The following DENND4C variants were observed in gnomAD, a reference collection of about 807,000 sequenced individuals.
DENND4C encodes the protein DENN domain containing 4C.
Under a neutral mutation model 203.0 loss-of-function variants are expected in DENND4C, and 108 were observed. The ratio of observed to expected loss-of-function variants is 0.53; its 90% CI spans 0.46 to 0.62. The LOEUF (loss-of-function observed/expected upper bound fraction) is 0.62, where lower values mean the gene tolerates loss of function less well. DENND4C is among the 20% of genes least tolerant of loss of function. The probability of loss-of-function intolerance (pLI) is 0.00; values close to 1 mark genes in which losing one functional copy is unlikely to be tolerated. For synonymous variants in DENND4C, 871 were observed against 792.4 expected, an observed-to-expected ratio of 1.10 and a Z score of -1.67; for missense variants, 2,481 against 2,301.2, an observed-to-expected ratio of 1.08 and a Z score of -1.60.
At chr9:19,353,918 T>A (rs946823718) in intron 26 of DENND4C, among the ~76,000 whole-genome samples, 26 of 152,172 alleles carry the variant, frequency 1.7e-4, no homozygotes, top group African/African-American at 5.8e-4. Context: ...AGGTGTTTCT[T>A]CTCTGTTTTT....
chr9:19,368,686 C>G (rs761868408), intron 30 of DENND4C, among the ~76,000 whole-genome samples: 40 of 152,120 alleles, frequency 2.6e-4, no homozygotes, highest in Non-Finnish European at 5.1e-4. Flanking sequence ...CCTGTAGCCT[C>G]AGCTACTCGA....
chr9:19,307,351 C>G (rs537196307), intron 10 of DENND4C, among the ~76,000 whole-genome samples: 8 of 149,228 alleles, frequency 5.4e-5, no homozygotes, highest in Non-Finnish European at 1.2e-4. Flanking sequence ...CCCATGTTGA[C>G]CCACTGCACT....
chr9:19,314,537 ACCACCTGTTC>A (rs1841401332), intron 10 of DENND4C, among the ~76,000 whole-genome samples: 1 of 152,142 alleles, frequency 6.6e-6, no homozygotes, highest in Admixed American at 6.5e-5. Flanking sequence ...GTAACCAGAC[ACCACCTGTTC>A]CCCAAAAACC....
chr9:19,280,842 G>C (rs1252687893), intron 2 of DENND4C, among the ~76,000 whole-genome samples: 1 of 152,016 alleles, frequency 6.6e-6, no homozygotes, highest in Non-Finnish European at 1.5e-5. Context: ...CTGGGCTCAG[G>C]TGGTCCTCCC....
At chr9:19,356,092 T>C (rs1050022899) in intron 26 of DENND4C, among the ~76,000 whole-genome samples, 1 of 152,164 alleles carries the variant, frequency 6.6e-6, no homozygotes, top group African/African-American at 2.4e-5. Flanking sequence ...TTTAAAGGTT[T>C]TTTTTCAATG....
chr9:19,279,500 C>A (rs4977524), intron 2 of DENND4C, among the ~76,000 whole-genome samples: 1 of 151,754 alleles, frequency 6.6e-6, no homozygotes, highest in Admixed American at 6.6e-5. Flanking sequence ...CATGGTGAAA[C>A]CCCCTCTTTA....
At chr9:19,332,292 C>A in intron 17 of DENND4C, 108 bp downstream of exon 17, 2 of 837,050 alleles carry the variant, frequency 2.4e-6, no homozygotes, top group Admixed American at 2.2e-5. Flanking sequence ...TTTCATTAAG[C>A]AGGAAAGGTA....
At chr9:19,238,872 C>G (rs561586927) in intron 1 of DENND4C, among the ~76,000 whole-genome samples, 1 of 150,766 alleles carries the variant, frequency 6.6e-6, no homozygotes, top group African/African-American at 2.4e-5. Context: ...AGGCTGGTCT[C>G]GAACTCTTGA....
At position 19,324,357 on chromosome 9, in the gene DENND4C, C is replaced by T. The variant is rs1231137244; in HGVS notation, c.1808-5C>T. 3 of 1,579,218 alleles carry T rather than the reference C, an allele frequency of 1.9e-6. No homozygotes were observed. The highest frequency in any genetic ancestry group is 2.3e-5 in the East Asian group (1 of 44,414). ...TTGAATTTAATTATATTTTGTTTTC[C>T]TCAGGATTTTTAAAAAGTCGAGATC... On this transcript the variant is annotated splice_region_variant and splice_polypyrimidine_tract_variant and intron_variant, in intron 12 of 32. Coordinates refer to ENST00000434457, the MANE Select transcript of DENND4C (RefSeq NM_001330640.2).
At chr9:19,312,073 A>C (rs1461607835) in intron 10 of DENND4C, among the ~76,000 whole-genome samples, 1 of 152,094 alleles carries the variant, frequency 6.6e-6, no homozygotes, top group Admixed American at 6.6e-5. Context: ...TGCTTTCTGT[A>C]TTGGGAAAAA....
intron 10 of DENND4C, among the ~76,000 whole-genome samples, chr9:19,305,778 T>C (rs1262148819): frequency 6.6e-6 from 1 of 152,210 alleles, no homozygotes; most frequent in Non-Finnish European, 1.5e-5. Context: ...TATTTATGTT[T>C]ATCAGAAGAG....
At chr9:19,231,629 A>G (rs1319664790) in intron 1 of DENND4C, among the ~76,000 whole-genome samples, 1 of 150,988 alleles carries the variant, frequency 6.6e-6, no homozygotes, top group Non-Finnish European at 1.5e-5. Context: ...GGAATTACCC[A>G]GTTTTTAAAT....
At position 19,299,291 on chromosome 9, in the gene DENND4C, A is replaced by G; in HGVS notation, c.1166+4A>G. 1 of 1,551,010 alleles carries G rather than the reference A, an allele frequency of 6.4e-7. No homozygotes were observed. The highest frequency in any genetic ancestry group is 1.9e-5 in the Admixed American group (1 of 53,960). ...TTTCTACACCTTTACCACTAAGGTAATTACTGGTATTTAAAATGATATATT... is the reference window on the plus strand; with the variant it reads ...TTTCTACACCTTTACCACTAAGGTAGTTACTGGTATTTAAAATGATATATT... On this transcript the variant is annotated splice_donor_region_variant and intron_variant, in intron 8 of 32. Coordinates refer to ENST00000434457, the MANE Select transcript of DENND4C (RefSeq NM_001330640.2).
intron 8 of DENND4C, among the ~76,000 whole-genome samples, 177 bp from the exon 9 acceptor site, chr9:19,300,010 A>G (rs1304644585): frequency 1.3e-5 from 2 of 152,202 alleles, no homozygotes; most frequent in African/African-American, 4.8e-5. Context: ...TTACCAGAGG[A>G]TGAGTTTAAA....
At chr9:19,305,588 T>A (rs989013575) in intron 10 of DENND4C, 61 bp downstream of exon 10, 1 of 1,486,804 alleles carries the variant, frequency 6.7e-7, no homozygotes, top group Non-Finnish European at 9.1e-7. Context: ...GAGTTACAGT[T>A]CTTTGAAAGC....
chr9:19,250,014 T>G (rs1022954748), intron 1 of DENND4C, among the ~76,000 whole-genome samples: 1 of 152,206 alleles, frequency 6.6e-6, no homozygotes. Flanking sequence ...AAAAGTTATA[T>G]GTGGCTGGGC....
At chr9:19,297,006 ATCTT>A (rs1349903080) in intron 6 of DENND4C, among the ~76,000 whole-genome samples, 1 of 152,208 alleles carries the variant, frequency 6.6e-6, no homozygotes, top group African/African-American at 2.4e-5. Context: ...TTGTCATGCG[ATCTT>A]TCTTTCCTAA....
chr9:19,354,549 C>CTTTTTT (rs66823332), intron 26 of DENND4C, among the ~76,000 whole-genome samples: 1 of 87,294 alleles, frequency 1.1e-5, no homozygotes, highest in African/African-American at 4.6e-5. Context: ...TTATTCTAGC[C>CTTTTTT]TTTTTTTTTT....
chr9:19,336,586 A>G (rs1820526123), intron 19 of DENND4C, 100 bp from the exon 20 acceptor site: 6 of 1,440,616 alleles, frequency 4.2e-6, no homozygotes, highest in South Asian at 3.0e-5. Flanking sequence ...AGAAATTTAG[A>G]AAGTGTTCTG....
Sources: gnomAD v4.1 joint callset for allele counts (sites outside exome capture counted in the v4.1 genomes callset) on GRCh38, gnomAD v4.1.1 for gene constraint, MANE v1.5 for transcripts, NCBI Gene and HGNC (gene_info 2026-07-23, HGNC 2026-07-21) for gene names.